Variants in NUAK1 observed in about 807,000 individuals in gnomAD.
NUAK1 encodes the protein NUAK family kinase 1, also known as NUAK family SNF1-like kinase 1.
A neutral mutation model predicts 56.9 loss-of-function variants in NUAK1; 26 were observed. That is an observed-to-expected ratio of 0.46 (90% CI 0.33 to 0.63). The LOEUF (loss-of-function observed/expected upper bound fraction) is 0.63. NUAK1 is among the 30% of genes least tolerant of loss of function. NUAK1 has a pLI of 0.02. For missense variants in NUAK1, 727 were observed against 876.1 expected, an observed-to-expected ratio of 0.83 and a Z score of 2.15; for synonymous variants, 337 against 336.0, an observed-to-expected ratio of 1.00 and a Z score of -0.03.
rs1389897170 is a variant in NUAK1, at chr12:106,067,831, G to A, written c.957C>T (p.Ala319=). ...GYKSSVCDCD[A]LHDSESPLLA... The stretch of plus-strand genomic sequence containing the variant: ...GGAGTGGGGACTCAGAGTCATGGAG[G>A]GCATCACAGTCACACACGCTGCTCT... Residue 319 remains alanine, a synonymous_variant, in exon 7 of 7, where the codon GCC becomes GCT. Coordinates refer to ENST00000261402, the MANE Select transcript of NUAK1 (RefSeq NM_014840.3). This position sits in a 1 kb window ranked among gnomAD's most constrained non-coding sequence, Gnocchi z 6.0. 6.2e-7 allele frequency: 1 copy of A among 1,614,190 alleles called. No homozygotes were observed. Among genetic ancestry groups the A allele is most frequent in the Non-Finnish European group, 8.5e-7 (1 of 1,180,044 alleles).
intron 2 of NUAK1, among the ~76,000 whole-genome samples, chr12:106,091,259 C>T (rs764287749): frequency 1.7e-4 from 26 of 152,310 alleles, no homozygotes; most frequent in African/African-American, 2.4e-4. Flanking sequence ...CCCAGAGGCC[C>T]GGTGGCTCCA....
At chr12:106,109,251 T>C (rs1249463767) in intron 1 of NUAK1, among the ~76,000 whole-genome samples, 1 of 152,208 alleles carries the variant, frequency 6.6e-6, no homozygotes, top group Non-Finnish European at 1.5e-5. Flanking sequence ...CTAATAGTAA[T>C]GGCCAGTATT....
At chr12:106,119,654 C>T (rs559778815) in intron 1 of NUAK1, among the ~76,000 whole-genome samples, 8 of 151,966 alleles carry the variant, frequency 5.3e-5, no homozygotes, top group Non-Finnish European at 7.4e-5. Flanking sequence ...CTGTATCTGG[C>T]GAGTTTTCAG....
At chr12:106,075,318 C>CACAGAGAG (rs142856878) in intron 4 of NUAK1, among the ~76,000 whole-genome samples, 1 of 146,744 alleles carries the variant, frequency 6.8e-6, no homozygotes, top group Non-Finnish European at 1.5e-5. Flanking sequence ...CACACACACA[C>CACAGAGAG]AGAGAGAGAG....
Position 106,067,844 on chromosome 12 carries a change from C to T in NUAK1, c.944G>A (p.Cys315Tyr). The T allele has an allele frequency of 1.2e-6, 2 of 1,614,232 alleles. No homozygotes were observed. Among genetic ancestry groups the T allele is most frequent in the South Asian group, 2.2e-5 (2 of 91,090 alleles). ...WVNWGYKSSV[C>Y]DCDALHDSES... Reference sequence around the variant, plus strand: ...AGAGTCATGGAGGGCATCACAGTCACACACGCTGCTCTTATAGCCCCAGTT... The same window carrying T: ...AGAGTCATGGAGGGCATCACAGTCATACACGCTGCTCTTATAGCCCCAGTT... The change falls in exon 7 of 7, where the codon TGT becomes TAT. Residue 315 changes from cysteine (C) to tyrosine (Y), a missense_variant. Transcript: ENST00000261402. This position sits in a 1 kb window ranked among gnomAD's most constrained non-coding sequence, Gnocchi z 6.0.
intron 2 of NUAK1, among the ~76,000 whole-genome samples, chr12:106,087,935 T>C (rs2032591781): frequency 6.6e-6 from 1 of 152,216 alleles, no homozygotes; most frequent in African/African-American, 2.4e-5. Context: ...TACTATGATC[T>C]CAAGCCGGTT....
intron 1 of NUAK1, among the ~76,000 whole-genome samples, chr12:106,130,343 A>C (rs2033064965): frequency 6.6e-6 from 1 of 152,238 alleles, no homozygotes; most frequent in Non-Finnish European, 1.5e-5. Flanking sequence ...AGATGTCTGA[A>C]TCTAATAGCC....
At chr12:106,115,295 C>T (rs540996536) in intron 1 of NUAK1, among the ~76,000 whole-genome samples, 1 of 152,176 alleles carries the variant, frequency 6.6e-6, no homozygotes, top group Non-Finnish European at 1.5e-5. Context: ...TAAAAAGAGG[C>T]ATGACTTTCT....
rs887383779 is a variant in NUAK1 at position 106,064,053 on chromosome 12, C to T, written c.*2749G>A. 6.6e-6 allele frequency: 1 copy of T among 152,654 alleles called. No homozygotes were observed. The highest frequency in any genetic ancestry group is 1.5e-5 in the Non-Finnish European group (1 of 68,050). 9.5% of individuals were successfully genotyped at this position (152,654 alleles called of 1,614,324 possible). On this transcript the variant is annotated 3_prime_UTR_variant, in exon 7 of 7. Coordinates refer to ENST00000261402, the MANE Select transcript of NUAK1 (RefSeq NM_014840.3). The stretch of plus-strand genomic sequence containing the variant: ...GTAAACTAAGACGGTGCAAGGCCCA[C>T]AGAAGTAAGGAGAGGACCAGGAAAG...
chr12:106,103,467 C>T (rs557991821), intron 2 of NUAK1: 3 of 152,282 alleles, frequency 2.0e-5, no homozygotes, highest in Non-Finnish European at 4.4e-5. Flanking sequence ...CTTCCAACTT[C>T]TAGAAATTCC....
chr12:106,096,369 T>G (rs1218899306), intron 2 of NUAK1, among the ~76,000 whole-genome samples: 4 of 152,108 alleles, frequency 2.6e-5, no homozygotes, highest in Non-Finnish European at 4.4e-5. Context: ...GAAGGTCAAA[T>G]AGCTAACTTA....
chr12:106,138,453 G>C lies in NUAK1; in HGVS notation c.201C>G (p.Gly67=), dbSNP rs1413547148. Residue 67 remains glycine, a synonymous_variant, in exon 1 of 7, where the codon GGC becomes GGG. Transcript: ENST00000261402. The surrounding 1 kb of genome is among the most constrained non-coding windows in gnomAD (Gnocchi z 5.0). The part of the protein sequence containing the change: ...LQETLGKGTY[G]KVKRATERFS... ...ACCTCTCGGTGGCCCGCTTGACTTT[G>C]CCGTAGGTGCCTTTGCCCAGGGTCT... 1 of 1,611,898 alleles carries C rather than the reference G, an allele frequency of 6.2e-7. No homozygotes were observed. Among genetic ancestry groups the C allele is most frequent in the African/African-American group, 1.3e-5 (1 of 74,580 alleles).
chr12:106,130,674 G>T (rs535665270), intron 1 of NUAK1, among the ~76,000 whole-genome samples: 1 of 152,238 alleles, frequency 6.6e-6, no homozygotes, highest in African/African-American at 2.4e-5. Flanking sequence ...GCCCCAGCCC[G>T]CGTCGTTCTC....
chr12:106,112,950 T>A (rs2032878809), intron 1 of NUAK1, among the ~76,000 whole-genome samples: 1 of 152,200 alleles, frequency 6.6e-6, no homozygotes, highest in Non-Finnish European at 1.5e-5. Context: ...ATAAAAGAGA[T>A]GATGATTCCT....
chr12:106,136,103 T>TA (rs1275503047), intron 1 of NUAK1, among the ~76,000 whole-genome samples: 12 of 152,294 alleles, frequency 7.9e-5, no homozygotes, highest in Admixed American at 7.8e-4. Flanking sequence ...GCAAGGTTTT[T>TA]ACCCAGGGAT....
intron 1 of NUAK1, among the ~76,000 whole-genome samples, chr12:106,126,480 C>T (rs923740976): frequency 6.6e-6 from 1 of 152,298 alleles, no homozygotes; most frequent in South Asian, 2.1e-4. Flanking sequence ...AACAGTGGGG[C>T]CCTGGGCCTC....
intron 1 of NUAK1, among the ~76,000 whole-genome samples, chr12:106,135,331 A>T (rs916949768): frequency 2.0e-5 from 3 of 152,248 alleles, no homozygotes; most frequent in Non-Finnish European, 4.4e-5. Context: ...AGAGGCTGCA[A>T]GACTGCAGGA....
chr12:106,069,917 C>A (rs1274649634), intron 6 of NUAK1, among the ~76,000 whole-genome samples: 1 of 152,124 alleles, frequency 6.6e-6, no homozygotes, highest in East Asian at 1.9e-4. Context: ...ATGATATTCC[C>A]CATCAAGAGA....
At chr12:106,068,052 C>A in intron 6 of NUAK1, 97 bp from the exon 7 acceptor site, 1 of 1,192,772 alleles carries the variant, frequency 8.4e-7, no homozygotes, top group Non-Finnish European at 1.2e-6. Flanking sequence ...CACACACTCC[C>A]TCTAGGACAA....
Sources: gnomAD v4.1 joint callset for allele counts (sites outside exome capture counted in the v4.1 genomes callset) on GRCh38, gnomAD v4.1.1 for gene constraint, Gnocchi (gnomAD v3.1) non-coding constraint, MANE v1.5 for transcripts, NCBI Gene and HGNC (gene_info 2026-07-23, HGNC 2026-07-21) for gene names.